The following WDFY4 variants were observed in gnomAD, a reference collection of about 807,000 sequenced individuals.
WDFY4 encodes WDFY family member 4.
WDFY4 carries 169 observed loss-of-function variants against 351.9 expected under a neutral mutation model. The ratio of observed to expected loss-of-function variants is 0.48; its 90% CI spans 0.42 to 0.55. The LOEUF (loss-of-function observed/expected upper bound fraction) is 0.55, where lower values mean the gene tolerates loss of function less well. Ranked by LOEUF, WDFY4 falls within the 20% of genes least tolerant of loss-of-function variation. The pLI is 0.00. For missense variants in WDFY4, 3,803 were observed against 3,935.6 expected (o/e 0.97, Z 0.90); for synonymous variants, 1,622 against 1,574.6 (o/e 1.03, Z -0.71).
intron 12 of WDFY4, among the ~76,000 whole-genome samples, chr10:48,750,468 C>T (rs1235883984): frequency 6.6e-6 from 1 of 152,214 alleles, no homozygotes; most frequent in Non-Finnish European, 1.5e-5. Context: ...TGTCTTCACT[C>T]TGCCTGGACA....
intron 1 of WDFY4, among the ~76,000 whole-genome samples, chr10:48,706,731 A>G (rs941738637): frequency 6.6e-6 from 1 of 152,194 alleles, no homozygotes. Context: ...AAATTCAGGA[A>G]TGGATTAGGA....
chr10:48,815,540 C>G (rs951070119), intron 31 of WDFY4, among the ~76,000 whole-genome samples: 2 of 152,048 alleles, frequency 1.3e-5, no homozygotes, highest in Non-Finnish European at 2.9e-5. Flanking sequence ...CTCACTCTAG[C>G]CTCTGCTTCT....
At chr10:48,788,487 C>T (rs1161753064) in intron 20 of WDFY4, 43 bp from the exon 21 acceptor site, 1 of 1,538,772 alleles carries the variant, frequency 6.5e-7, no homozygotes, top group Non-Finnish European at 8.8e-7. Flanking sequence ...ATTTCCTGCT[C>T]TGTAAAGTTA....
At chr10:48,731,065 G>A (rs1168194772) in intron 8 of WDFY4, 45 bp from the exon 9 acceptor site, 2 of 1,471,524 alleles carry the variant, frequency 1.4e-6, no homozygotes, top group Non-Finnish European at 1.8e-6. Flanking sequence ...TGTAGACACA[G>A]GCAGGAGAAA....
At chr10:48,747,043 C>G (rs2065036044) in intron 12 of WDFY4, among the ~76,000 whole-genome samples, 2 of 152,146 alleles carry the variant, frequency 1.3e-5, no homozygotes, top group African/African-American at 4.8e-5. Flanking sequence ...GTTAAACTTT[C>G]CTGTAGTGTG....
chr10:48,774,607 C>G lies in WDFY4; in HGVS notation c.2703C>G (p.Leu901=). The change falls in exon 14 of 62, where the codon CTC becomes CTG. Residue 901 remains leucine, a synonymous_variant. Coordinates refer to ENST00000325239, the MANE Select transcript of WDFY4 (RefSeq NM_001394531.1). The part of the protein sequence containing the change: ...HRALVTSGSP[L]HSRLIRIFEK... ...CCCTGGTCACCAGTGGCAGCCCCCT[C>G]CACTCACGCCTCATCAGGATCTTTG... The G allele has an allele frequency of 6.4e-7, 1 of 1,551,734 alleles. No individual in the cohort carries two copies. Among genetic ancestry groups the G allele is most frequent in the Non-Finnish European group, 8.7e-7 (1 of 1,146,990 alleles).
chr10:48,812,264 ACTGCAACCG>A (rs1345549591), intron 30 of WDFY4, among the ~76,000 whole-genome samples: 2 of 143,318 alleles, frequency 1.4e-5, no homozygotes, highest in East Asian at 4.0e-4. Context: ...ATCTCGGCTC[ACTGCAACCG>A]CTGCTTTCTG....
At chr10:48,718,019 TG>T (rs1339645427) in intron 2 of WDFY4, among the ~76,000 whole-genome samples, 2 of 152,312 alleles carry the variant, frequency 1.3e-5, no homozygotes, top group African/African-American at 4.8e-5. Context: ...CAGTAGCACA[TG>T]GGGGTTCCTG....
At chr10:48,946,377 A>T (rs1381904135) in intron 50 of WDFY4, among the ~76,000 whole-genome samples, 4 of 152,398 alleles carry the variant, frequency 2.6e-5, no homozygotes, top group South Asian at 2.1e-4. Flanking sequence ...GTGGTGTGGC[A>T]CAGCCCAGGG....
chr10:48,844,613 G>A (rs1029430412), intron 39 of WDFY4, among the ~76,000 whole-genome samples: 7 of 152,064 alleles, frequency 4.6e-5, no homozygotes, highest in African/African-American at 1.4e-4. Context: ...GAAAAGCACC[G>A]AGTCCAGCCC....
chr10:48,726,194 A>C, intron 6 of WDFY4, 124 bp downstream of exon 6: 1 of 1,162,090 alleles, frequency 8.6e-7, no homozygotes, highest in Non-Finnish European at 1.2e-6. Context: ...CTCTTATAGA[A>C]TTTTGGGACC....
rs2063770183 is a variant in WDFY4, at chr10:48,711,645, C to T, written c.234+1679C>T. ...TTTGAGAGTTCATTTGTTTGTTGCA[C>T]CAATATTTATTAAGCTCCTATACTC... is the stretch of plus-strand genomic sequence containing the variant. On this transcript the variant is annotated intron_variant, in intron 2 of 61. Coordinates refer to ENST00000325239, the MANE Select transcript of WDFY4 (RefSeq NM_001394531.1). Among the ~76,000 whole-genome samples the T allele has an allele frequency of 3.3e-5, 5 of 152,172 alleles. No homozygotes were observed. The South Asian group carries it at 1.0e-3, about 32-fold the overall frequency.
chr10:48,743,581 T>C (rs1378870467), intron 12 of WDFY4, 33 bp downstream of exon 12: 1 of 1,512,476 alleles, frequency 6.6e-7, no homozygotes, highest in Non-Finnish European at 8.8e-7. Flanking sequence ...CATCAGTGCA[T>C]CTCTGTCTCC....
chr10:48,770,061 A>G (rs367874156), intron 13 of WDFY4, among the ~76,000 whole-genome samples: 1 of 152,240 alleles, frequency 6.6e-6, no homozygotes, highest in Non-Finnish European at 1.5e-5. Flanking sequence ...TGCTACTGCT[A>G]TCTTCACTAA....
chr10:48,720,268 T>G, intron 3 of WDFY4, 143 bp downstream of exon 3: 1 of 841,132 alleles, frequency 1.2e-6, no homozygotes, highest in Non-Finnish European at 1.8e-6. Flanking sequence ...ACTCTGCCAC[T>G]GAGTGCCTTA....
chr10:48,705,388 G>A (rs1017941020), intron 1 of WDFY4, among the ~76,000 whole-genome samples: 4 of 152,112 alleles, frequency 2.6e-5, no homozygotes, highest in Non-Finnish European at 5.9e-5. Context: ...CCCTGGCCTC[G>A]CCTGGGACTC....
chr10:48,720,731 G>C (rs2064056729), intron 3 of WDFY4, among the ~76,000 whole-genome samples: 1 of 152,212 alleles, frequency 6.6e-6, no homozygotes, highest in South Asian at 2.1e-4. Flanking sequence ...GTGTTCAGTG[G>C]AGCTCTTGGT....
intron 11 of WDFY4, among the ~76,000 whole-genome samples, chr10:48,737,173 C>T (rs778206965): frequency 3.3e-5 from 5 of 152,032 alleles, no homozygotes; most frequent in Admixed American, 6.6e-5. Context: ...CCACGCTTGG[C>T]TAATTTTTGT....
intron 12 of WDFY4, among the ~76,000 whole-genome samples, chr10:48,759,243 C>G (rs1215115738): frequency 2.0e-5 from 3 of 152,164 alleles, no homozygotes; most frequent in Non-Finnish European, 4.4e-5. Context: ...TGCACATACA[C>G]AGTCAGAACT....
Sources: allele counts gnomAD v4.1 joint callset (sites outside exome capture counted in the v4.1 genomes callset), GRCh38; gene constraint gnomAD v4.1.1; transcripts MANE v1.5; gene names NCBI Gene and HGNC (gene_info 2026-07-23, HGNC 2026-07-21).